Variants in IL12RB1 observed in about 807,000 individuals in gnomAD.
The protein encoded by IL12RB1 is interleukin-12 receptor subunit beta-1.
In IL12RB1, 64 loss-of-function variants were observed where a neutral mutation model predicts 94.4. The ratio of observed to expected loss-of-function variants is 0.68; its 90% confidence interval spans 0.55 to 0.83. The LOEUF is 0.83. Among genes scored for constraint, IL12RB1 ranks in the 40% least tolerant of loss-of-function variants. The pLI is 0.00. For synonymous variants in IL12RB1, 362 were observed against 355.5 expected, an observed-to-expected ratio of 1.02 and a Z score of -0.21; for missense variants, 814 against 855.6, an observed-to-expected ratio of 0.95 and a Z score of 0.61.
Position 18,069,534 on chromosome 19 carries a change from C to G in IL12RB1, c.1189+12G>C. 2.2e-5 allele frequency: 35 copies of G among 1,600,810 alleles called. No homozygotes were observed. Among genetic ancestry groups the G allele is most frequent in the Non-Finnish European group, 2.8e-5 (33 of 1,176,682 alleles). On this transcript the variant is annotated intron_variant, in intron 10 of 16. Transcript: ENST00000593993. ...AGAGGAGGGGTAGGCGCAGGCCATT[C>G]CAGGCCATTACCCATTCCAGCCGGA...
chr19:18,075,981 G>A, intron 6 of IL12RB1, 113 bp from the exon 7 acceptor site: 3 of 1,043,358 alleles, frequency 2.9e-6, no homozygotes, highest in Non-Finnish European at 3.0e-6. Context: ...CCACGTGCTG[G>A]GTCCTGGGGG....
upstream of IL12RB1, among the ~76,000 whole-genome samples, chr19:18,087,311 GC>G (rs1352996735): frequency 1.3e-5 from 2 of 151,454 alleles, no homozygotes; most frequent in East Asian, 3.9e-4. Flanking sequence ...CCGGGTTCAA[GC>G]AATTCTCCTG....
At chr19:18,097,795 G>T in intron 1 of IL12RB1, 1 of 1,222,912 alleles carries the variant, frequency 8.2e-7, no homozygotes. Flanking sequence ...CCCGGGCCAT[G>T]GACGAGTCGA....
At position 18,069,583 on chromosome 19, in the gene IL12RB1, G is replaced by T. The variant is rs988740226; in HGVS notation, c.1152C>A (p.Ser384Arg). The T allele has an allele frequency of 8.1e-6, 13 of 1,611,816 alleles. No homozygotes were observed. The highest frequency in any genetic ancestry group is 1.1e-5 in the Non-Finnish European group (13 of 1,179,852). The change falls in exon 10 of 17, where the codon AGC becomes AGA. Residue 384 changes from serine (S) to arginine (R), a missense_variant. By Grantham distance (110) the Ser-to-Arg change is moderately radical. Transcript: ENST00000593993. Reference sequence around the variant, plus strand: ...GATCCGGGTCTTGCGGCGCAGTCAGGCTGCAGGTGGCAAGGCCCCCGTCCT... The same window carrying T: ...GATCCGGGTCTTGCGGCGCAGTCAGTCTGCAGGTGGCAAGGCCCCCGTCCT... ...VGQDGGLATCSLTAPQDPDPA... is the reference protein window; with the variant it reads ...VGQDGGLATCRLTAPQDPDPA...
At chr19:18,092,966 C>G (rs1254590720) in intron 1 of IL12RB1, among the ~76,000 whole-genome samples, 1 of 152,078 alleles carries the variant, frequency 6.6e-6, no homozygotes, top group Non-Finnish European at 1.5e-5. Context: ...AATACAAGGT[C>G]CTCTGATACT....
Position 18,075,808 on chromosome 19 carries a change from T to C in IL12RB1, c.641A>G (p.Gln214Arg), listed in dbSNP as rs11575934. ...VAQEFQLRRR[Q>R]LGSQGSSWSK... ...CCAGGAACTTCCTTGGCTCCCCAGC[T>C]GCCGTCGTCGGAGCTGGAATTCCTG... The change falls in exon 7 of 17, where the codon CAG (glutamine) becomes CGG (arginine). Residue 214 changes from glutamine (Q) to arginine (R), a missense_variant. Physicochemically the swap from Gln to Arg is conservative, Grantham distance 43. Coordinates refer to ENST00000593993, the MANE Select transcript of IL12RB1 (RefSeq NM_005535.3). 0.3 allele frequency: 485,000 copies of C among 1,611,352 alleles called. 75,833 individuals are homozygous for C. The highest frequency in any genetic ancestry group is 0.38 in the East Asian group (17,200 of 44,836).
chr19:18,093,323 A>C (rs1018800454), intron 1 of IL12RB1, among the ~76,000 whole-genome samples: 4 of 138,726 alleles, frequency 2.9e-5, no homozygotes, highest in Admixed American at 1.4e-4. Context: ...AAAAAACAAA[A>C]AAACACAAAT....
chr19:18,087,810 C>A (rs188351237), upstream of IL12RB1, among the ~76,000 whole-genome samples: 45 of 152,256 alleles, frequency 3.0e-4, no homozygotes, highest in Admixed American at 2.0e-3. Flanking sequence ...GCGTGAGCCA[C>A]CGCACCGGGC....
chr19:18,076,451 G>A (rs937908204), intron 5 of IL12RB1, 124 bp from the exon 6 acceptor site: 12 of 696,506 alleles, frequency 1.7e-5, no homozygotes, highest in Non-Finnish European at 2.6e-5. Context: ...CATCTAGGCT[G>A]GAGTGCAGTG....
intron 1 of IL12RB1, 74 bp downstream of exon 1, chr19:18,086,686 G>T: frequency 1.4e-6 from 2 of 1,456,742 alleles, no homozygotes; most frequent in African/African-American, 1.4e-5. Flanking sequence ...CACACAGCAG[G>T]CCCACAGCTC....
At chr19:18,095,569 G>T (rs2036852708) in intron 1 of IL12RB1, among the ~76,000 whole-genome samples, 1 of 152,182 alleles carries the variant, frequency 6.6e-6, no homozygotes, top group South Asian at 2.1e-4. Context: ...TTCTTTTGGG[G>T]ATGATACAAA....
rs1468645883 is a variant in IL12RB1, at chr19:18,080,956, G to A, written c.285C>T (p.Thr95=). The A allele has an allele frequency of 1.2e-6, 2 of 1,613,772 alleles. No homozygotes were observed. The highest frequency in any genetic ancestry group is 1.7e-5 in the Admixed American group (1 of 59,980). Residue 95 remains threonine, a synonymous_variant, in exon 4 of 17, where the codon ACC becomes ACT. Transcript: ENST00000593993. The stretch of plus-strand genomic sequence containing the variant: ...CAGCCTGGTCGGAGAACTGCAGCCT[G>A]GTGGCTGAGCCGGCGGCGAAGTAGC... The part of the protein sequence containing the change: ...RCCYFAAGSA[T]RLQFSDQAGV...
intron 1 of IL12RB1, among the ~76,000 whole-genome samples, chr19:18,085,679 G>A (rs758890633): frequency 6.6e-6 from 1 of 151,898 alleles, no homozygotes; most frequent in Non-Finnish European, 1.5e-5. Context: ...CTGCAATCTC[G>A]GCTCACTGCA....
chr19:18,062,699 G>A (rs371141026), intron 13 of IL12RB1, among the ~76,000 whole-genome samples: 1 of 152,202 alleles, frequency 6.6e-6, no homozygotes, highest in South Asian at 2.1e-4. Flanking sequence ...TTGAACTCGG[G>A]AGGCGGAGGT....
At chr19:18,077,698 A>G in intron 4 of IL12RB1, 43 bp from the exon 5 acceptor site, 3 of 1,257,890 alleles carry the variant, frequency 2.4e-6, no homozygotes, top group Admixed American at 1.7e-5. Context: ...GCCCACACGT[A>G]TGTGAGTTAA....
At chr19:18,068,124 C>G (rs531336116) in intron 11 of IL12RB1, among the ~76,000 whole-genome samples, 4 of 134,894 alleles carry the variant, frequency 3.0e-5, no homozygotes, top group African/African-American at 1.1e-4. Context: ...CTCCTGGGTT[C>G]AAGCGATTCT....
chr19:18,088,289 G>A (rs535398790), upstream of IL12RB1, among the ~76,000 whole-genome samples: 5 of 151,940 alleles, frequency 3.3e-5, no homozygotes, highest in South Asian at 2.1e-4. Flanking sequence ...AGGAGGCTGA[G>A]GCAGGAGAAT....
chr19:18,072,074 G>A, intron 9 of IL12RB1, 38 bp downstream of exon 9: 2 of 1,368,754 alleles, frequency 1.5e-6, no homozygotes, highest in Non-Finnish European at 2.1e-6. Context: ...TCAGCTCTGA[G>A]GGGCCCTCAT....
intron 8 of IL12RB1, among the ~76,000 whole-genome samples, chr19:18,073,006 A>C (rs2035189538): frequency 6.6e-6 from 1 of 151,858 alleles, no homozygotes; most frequent in Non-Finnish European, 1.5e-5. Flanking sequence ...GGAACATAGG[A>C]AATAAAGGAT....
Sources: allele counts gnomAD v4.1 joint callset (sites outside exome capture counted in the v4.1 genomes callset), GRCh38; gene constraint gnomAD v4.1.1; transcripts MANE v1.5; gene names NCBI Gene and HGNC (gene_info 2026-07-23, HGNC 2026-07-21).